The following ABR variants were observed in gnomAD, a reference collection of about 807,000 sequenced individuals.
The protein encoded by ABR is active breakpoint cluster region-related protein.
A neutral mutation model predicts 107.2 loss-of-function variants in ABR; 35 were observed. The ratio of observed to expected loss-of-function variants is 0.33; its 90% CI spans 0.25 to 0.43. The LOEUF (loss-of-function observed/expected upper bound fraction) is 0.43. Among genes scored for constraint, ABR ranks in the 20% least tolerant of loss-of-function variants. ABR has a pLI of 1.00. For missense variants in ABR, 815 were observed against 1,115.2 expected, an observed-to-expected ratio of 0.73 and a Z score of 3.83; for synonymous variants, 498 against 462.0, an observed-to-expected ratio of 1.08 and a Z score of -1.00.
At chr17:1,191,375 T>G (rs797006808), upstream of ABR, among the ~76,000 whole-genome samples, 7,093 of 143,372 alleles carry the variant, frequency 0.049, 497 homozygotes, top group African/African-American at 0.18. Context: ...TTTTTTTTTT[T>G]GAGACAGAGT....
In ABR at chr17:1,027,523, G is replaced by A. The variant is rs1374400028; in HGVS notation, c.1792-14359C>T. 6.6e-6 allele frequency among the ~76,000 whole-genome samples: 1 copy of A among 152,188 alleles called. No homozygotes were observed. Among genetic ancestry groups the A allele is most frequent in the African/African-American group, 2.4e-5 (1 of 41,458 alleles). ...GAGCTGGCCTGGCAGAGAGATCAGA[G>A]AGTACTCATGAGGCCCCAGCAGTGA... On this transcript the variant is annotated intron_variant, in intron 16 of 22. Coordinates refer to ENST00000302538, the MANE Select transcript of ABR (RefSeq NM_021962.5). This position sits in a 1 kb window ranked among gnomAD's most constrained non-coding sequence, Gnocchi z 4.7.
intron 2 of ABR, among the ~76,000 whole-genome samples, chr17:1,113,278 ATTTTTTTTTTTT>A (rs33922708): frequency 1.5e-4 from 16 of 104,118 alleles, no homozygotes; most frequent in Non-Finnish European, 2.4e-4. Context: ...ACCTATTGCG[ATTTTTTTTTTTT>A]TTTTTTTTTT....
intron 2 of ABR, among the ~76,000 whole-genome samples, chr17:1,112,790 C>T (rs191182354): frequency 2.4e-4 from 36 of 152,264 alleles, no homozygotes; most frequent in Middle Eastern, 3.4e-3. Flanking sequence ...TTTCTGACAC[C>T]ATCAAGTCTA....
At chr17:1,053,750 C>A (rs897061833) in intron 14 of ABR, among the ~76,000 whole-genome samples, 2 of 152,148 alleles carry the variant, frequency 1.3e-5, no homozygotes, top group African/African-American at 4.8e-5. Flanking sequence ...CCCGCCCAGG[C>A]TGGGAGGCCA....
rs2040667456 is a variant in ABR, at chr17:1,148,834, TG to T, written c.62-23468del. Among the ~76,000 whole-genome samples, 1 of 152,210 alleles carries T rather than the reference TG, an allele frequency of 6.6e-6. No individual in the cohort carries two copies. Among genetic ancestry groups the T allele is most frequent in the Non-Finnish European group, 1.5e-5 (1 of 68,028 alleles). On this transcript the variant is annotated intron_variant, in intron 1 of 22. Transcript: ENST00000302538. The surrounding 1 kb of genome is among the most constrained non-coding windows in gnomAD (Gnocchi z 4.9). The stretch of plus-strand genomic sequence containing the variant: ...AGAGTGTGAACGTGCCTCGGGCCAC[TG>T]ATGCGTACACTGGATGGAAAATTTT...
upstream of ABR, among the ~76,000 whole-genome samples, chr17:1,191,882 T>C (rs930781879): frequency 6.6e-6 from 1 of 152,146 alleles, no homozygotes; most frequent in Non-Finnish European, 1.5e-5. Flanking sequence ...CCCTCAACAC[T>C]CTGCTGCCTT....
intron 1 of ABR, among the ~76,000 whole-genome samples, chr17:1,213,995 C>G (rs974066177): frequency 3.9e-5 from 6 of 152,102 alleles, no homozygotes; most frequent in Non-Finnish European, 7.3e-5. Context: ...TCAAGTGATT[C>G]TCCTGCCTCA....
intron 1 of ABR, among the ~76,000 whole-genome samples, chr17:1,166,228 C>T (rs1281428817): frequency 6.6e-6 from 1 of 152,172 alleles, no homozygotes; most frequent in Admixed American, 6.5e-5. Flanking sequence ...CTCCACGCGG[C>T]TGCAAGGCTG....
chr17:1,134,813 G>A lies in ABR; in HGVS notation c.62-9446C>T, dbSNP rs544057275. Among the ~76,000 whole-genome samples, 20 of 152,326 alleles carry A rather than the reference G, an allele frequency of 1.3e-4. No homozygotes were observed. The East Asian group carries it at 2.9e-3, about 22-fold the overall frequency. On this transcript the variant is annotated intron_variant, in intron 1 of 22. Coordinates refer to ENST00000302538, the MANE Select transcript of ABR (RefSeq NM_021962.5). ...TCCGGCAGCGGAGGTTCCAGCCCACGCTCTGGCACTTCCTAACCTCTCTGT... is the reference window on the plus strand; with the variant it reads ...TCCGGCAGCGGAGGTTCCAGCCCACACTCTGGCACTTCCTAACCTCTCTGT...
intron 1 of ABR, among the ~76,000 whole-genome samples, chr17:1,220,523 G>C (rs998871836): frequency 6.6e-6 from 1 of 152,136 alleles, no homozygotes. Context: ...CAGAGCGGTG[G>C]TGCAAAGTCA....
At chr17:1,061,233 C>A (rs902175806) in intron 10 of ABR, among the ~76,000 whole-genome samples, 1 of 152,026 alleles carries the variant, frequency 6.6e-6, no homozygotes, top group Non-Finnish European at 1.5e-5. Context: ...CACGTCTGCA[C>A]AGCTGGGGCA....
In ABR at chr17:1,154,215, T is replaced by G. The variant is rs976730942; in HGVS notation, c.61+25452A>C. Reference sequence around the variant, plus strand: ...TGCCGCGGCTGCCACTTCTGGGAGATTCATCTCTAAGGCCTCAGGGGACCT... The same window carrying G: ...TGCCGCGGCTGCCACTTCTGGGAGAGTCATCTCTAAGGCCTCAGGGGACCT... On this transcript the variant is annotated intron_variant, in intron 1 of 22. Transcript: ENST00000302538. The surrounding 1 kb of genome is among the most constrained non-coding windows in gnomAD (Gnocchi z 4.0). 3.3e-5 allele frequency: 5 copies of G among 151,946 alleles called. No individual in the cohort carries two copies. The highest frequency in any genetic ancestry group is 1.2e-4 in the African/African-American group (5 of 41,026). 9.4% of individuals were successfully genotyped at this position (151,946 alleles called of 1,614,324 possible).
At chr17:1,156,393 C>T (rs527491549) in intron 1 of ABR, among the ~76,000 whole-genome samples, 3 of 152,134 alleles carry the variant, frequency 2.0e-5, no homozygotes, top group South Asian at 2.1e-4. Flanking sequence ...GCCGGGTAGA[C>T]GGCAGAGCTA....
In ABR at chr17:1,058,772, C is replaced by A; in HGVS notation, c.1278G>T (p.Pro426=). 1.9e-6 allele frequency: 3 copies of A among 1,613,974 alleles called. No individual in the cohort carries two copies. The highest frequency in any genetic ancestry group is 1.7e-6 in the Non-Finnish European group (2 of 1,179,960). The change falls in exon 11 of 23, where the codon CCG becomes CCT. Residue 426 remains proline, a synonymous_variant. Coordinates refer to ENST00000302538, the MANE Select transcript of ABR (RefSeq NM_021962.5). ...TTCCATTCCGATTGTGGATCCTGAA[C>A]GGGATTGTGGGGGAGTTGAGCAGCA... The part of the protein sequence containing the change: ...FLLLLNSPTI[P]FRIHNRNGKS...
chr17:1,005,038 C>T lies in ABR; in HGVS notation c.*1042G>A, dbSNP rs2069919540. The T allele has an allele frequency of 2.5e-6, 1 of 399,098 alleles. No individual in the cohort carries two copies. Among genetic ancestry groups the T allele is most frequent in the South Asian group, 1.3e-4 (1 of 7,864 alleles). The allele number at this position is 399,098 out of a possible 1,614,324, so 24.7% of individuals were successfully genotyped here. A position where few individuals can be genotyped will look rare whatever the true frequency, so the allele number is the denominator to read the frequency against. ...AGCCTGGCCCCTCTTGAAAAGCCCCCACAACTTGCTCCTAAGAGCTGAGCT... is the reference window on the plus strand; with the variant it reads ...AGCCTGGCCCCTCTTGAAAAGCCCCTACAACTTGCTCCTAAGAGCTGAGCT... On this transcript the variant is annotated 3_prime_UTR_variant, in exon 23 of 23. Transcript: ENST00000302538.
intron 16 of ABR, among the ~76,000 whole-genome samples, chr17:1,018,315 T>G (rs2071358619): frequency 2.0e-5 from 3 of 152,178 alleles, no homozygotes; most frequent in East Asian, 1.9e-4. Flanking sequence ...GTGCTGGGAT[T>G]ACGGGCGTGA....
At chr17:1,098,077 T>A (rs899348442) in intron 3 of ABR, among the ~76,000 whole-genome samples, 1 of 112,394 alleles carries the variant, frequency 8.9e-6, no homozygotes, top group African/African-American at 3.0e-5. Context: ...TTTCTTTTCT[T>A]TTTTTTTTTT....
chr17:1,172,932 G>C (rs1315495315), intron 1 of ABR, among the ~76,000 whole-genome samples: 1 of 143,722 alleles, frequency 7.0e-6, no homozygotes, highest in Non-Finnish European at 1.5e-5. Flanking sequence ...CAAGAATATA[G>C]AACAGAGCAG....
chr17:1,196,944 T>A (rs2042582325), intron 1 of ABR, among the ~76,000 whole-genome samples: 1 of 151,766 alleles, frequency 6.6e-6, no homozygotes, highest in South Asian at 2.1e-4. Flanking sequence ...TCCATCCGCC[T>A]CGGCCTCCCA....
Sources: allele counts gnomAD v4.1 joint callset (sites outside exome capture counted in the v4.1 genomes callset), GRCh38; gene constraint gnomAD v4.1.1; non-coding constraint Gnocchi (gnomAD v3.1); transcripts MANE v1.5; gene names NCBI Gene and HGNC (gene_info 2026-07-23, HGNC 2026-07-21).